SPATA19: variants seen among roughly 807,000 people sequenced by gnomAD.
The protein encoded by SPATA19 is spermatogenesis-associated protein 19, mitochondrial.
A neutral mutation model predicts 25.0 loss-of-function variants in SPATA19; 19 were observed. The ratio of observed to expected loss-of-function variants is 0.76; its 90% CI spans 0.53 to 1.11. The LOEUF is 1.11. SPATA19 is among the 50% of genes most tolerant of loss of function. The probability of loss-of-function intolerance (pLI) is 0.00; values close to 1 mark genes in which losing one functional copy is unlikely to be tolerated. For synonymous variants in SPATA19, 64 were observed against 69.3 expected, an observed-to-expected ratio of 0.92 and a Z score of 0.38; for missense variants, 222 against 211.4, an observed-to-expected ratio of 1.05 and a Z score of -0.31.
chr11:133,842,339 C>A, intron 5 of SPATA19, 146 bp downstream of exon 5: 1 of 764,526 alleles, frequency 1.3e-6, no homozygotes, highest in Non-Finnish European at 2.3e-6. Context: ...GAAGACAAGA[C>A]GCAGCCCTGG....
At chr11:133,844,673 A>G (rs767622138) in intron 2 of SPATA19, 33 bp from the exon 3 acceptor site, 4 of 1,563,020 alleles carry the variant, frequency 2.6e-6, no homozygotes, top group Non-Finnish European at 3.5e-6. Context: ...TGAAAATGTC[A>G]CTCTGCATCC....
rs1181209087 is a variant in SPATA19, at chr11:133,844,192, G to A, written c.359+54C>T. The A allele has an allele frequency of 4.9e-6, 7 of 1,429,162 alleles. No homozygotes were observed. The East Asian group carries it at 1.1e-4, about 23-fold the overall frequency. The allele number at this position is 1,429,162 out of a possible 1,614,324, so 88.5% of individuals were successfully genotyped here. On this transcript the variant is annotated intron_variant, in intron 4 of 6. Coordinates refer to ENST00000299140, the MANE Select transcript of SPATA19 (RefSeq NM_174927.3). ...CATCTGAGGGTTCGTGAAGAGAGGG[G>A]CTTGCGCATCTCTCCCTCCCCTTCC...
chr11:133,838,518 C>T (rs994049579), downstream of SPATA19, among the ~76,000 whole-genome samples: 1 of 152,118 alleles, frequency 6.6e-6, no homozygotes, highest in Non-Finnish European at 1.5e-5. Flanking sequence ...ACACCTTATA[C>T]AAAAATCAAT....
intron 2 of SPATA19, 57 bp from the exon 3 acceptor site, chr11:133,844,697 C>G: frequency 6.5e-7 from 1 of 1,530,072 alleles, no homozygotes; most frequent in Middle Eastern, 1.8e-4. Context: ...CCTGGGTCTT[C>G]TTCTCCTCTT....
chr11:133,844,995 T>TA, intron 2 of SPATA19, 139 bp downstream of exon 2: 1 of 763,576 alleles, frequency 1.3e-6, no homozygotes, highest in Admixed American at 2.7e-5. Flanking sequence ...GTGAAGAAAT[T>TA]AGACTCAAAT....
chr11:133,837,516 C>G (rs952898497), downstream of SPATA19, among the ~76,000 whole-genome samples: 3 of 152,144 alleles, frequency 2.0e-5, no homozygotes, highest in East Asian at 5.8e-4. Flanking sequence ...GGGAAAGTAG[C>G]CATTTTTAAA....
chr11:133,841,266 C>T (rs184397154), intron 6 of SPATA19, among the ~76,000 whole-genome samples: 40 of 152,294 alleles, frequency 2.6e-4, no homozygotes, highest in East Asian at 7.7e-4. Context: ...GGCACAACAA[C>T]GCCCTCTCTT....
intron 4 of SPATA19, among the ~76,000 whole-genome samples, chr11:133,843,519 T>C (rs1047235149): frequency 2.0e-5 from 3 of 152,128 alleles, no homozygotes; most frequent in African/African-American, 7.2e-5. Flanking sequence ...AAATGGAGCC[T>C]CCTTGATACA....
downstream of SPATA19, among the ~76,000 whole-genome samples, chr11:133,838,924 G>A (rs1938253891): frequency 6.6e-6 from 1 of 152,168 alleles, no homozygotes; most frequent in Non-Finnish European, 1.5e-5. Context: ...AAAAACACAT[G>A]AAAAAATGCT....
Position 133,845,455 on chromosome 11 carries a change from G to A in SPATA19, c.-9C>T, listed in dbSNP as rs368724212. On this transcript the variant is annotated 5_prime_UTR_variant, in exon 1 of 7. Coordinates refer to ENST00000299140, the MANE Select transcript of SPATA19 (RefSeq NM_174927.3). ...CATGTCGTAATTATCATCTTTGAAT[G>A]TATACCAGGCCCCCTTCTTGGCTCC... is the stretch of plus-strand genomic sequence containing the variant. 2.9e-5 allele frequency: 46 copies of A among 1,613,764 alleles called. No individual in the cohort carries two copies. The African/African-American group carries it at 5.5e-4, about 19-fold the overall frequency.
chr11:133,839,272 C>G (rs867844028), downstream of SPATA19, among the ~76,000 whole-genome samples: 229 of 152,224 alleles, frequency 1.5e-3, 1 homozygote, highest in African/African-American at 4.7e-3. Context: ...CAAAGACTTG[C>G]AACCAACCCA....
downstream of SPATA19, among the ~76,000 whole-genome samples, chr11:133,837,297 C>G (rs924502222): frequency 6.6e-6 from 1 of 152,152 alleles, no homozygotes; most frequent in Admixed American, 6.5e-5. Flanking sequence ...ACTTACTGGA[C>G]AGAAGACCAG....
At chr11:133,836,554 C>G (rs894380721), downstream of SPATA19, among the ~76,000 whole-genome samples, 3 of 152,222 alleles carry the variant, frequency 2.0e-5, no homozygotes, top group Non-Finnish European at 4.4e-5. Context: ...TCTGGCTATG[C>G]CATTTCATGG....
chr11:133,843,570 G>A (rs548495247), intron 4 of SPATA19, among the ~76,000 whole-genome samples: 1 of 152,346 alleles, frequency 6.6e-6, no homozygotes, highest in East Asian at 1.9e-4. Context: ...AGGAGGAAGA[G>A]AGGAGGAAGG....
downstream of SPATA19, among the ~76,000 whole-genome samples, chr11:133,838,594 C>A (rs1938247783): frequency 1.3e-5 from 2 of 152,288 alleles, no homozygotes; most frequent in Admixed American, 6.5e-5. Flanking sequence ...AAAACCTAGG[C>A]AATACCATTC....
chr11:133,837,112 C>T (rs1469019540), downstream of SPATA19, among the ~76,000 whole-genome samples: 4 of 152,292 alleles, frequency 2.6e-5, no homozygotes, highest in South Asian at 2.1e-4. Flanking sequence ...ATAAGACTTC[C>T]GGGTTCTAGT....
rs756056484 is a variant in SPATA19, at chr11:133,845,439, A to C, written c.8T>G (p.Ile3Ser). The change falls in exon 1 of 7, where the codon ATT becomes AGT. Residue 3 changes from isoleucine (I) to serine (S), a missense_variant. Coordinates refer to ENST00000299140, the MANE Select transcript of SPATA19 (RefSeq NM_174927.3). Reference sequence around the variant, plus strand: ...AAGAATATACACAATCCATGTCGTAATTATCATCTTTGAATGTATACCAGG... The same window carrying C: ...AAGAATATACACAATCCATGTCGTACTTATCATCTTTGAATGTATACCAGG... MI[I>S]TTWIVYILAR... 2 of 1,614,038 alleles carry C rather than the reference A, an allele frequency of 1.2e-6. No homozygotes were observed. The highest frequency in any genetic ancestry group is 3.3e-5 in the Admixed American group (2 of 60,014).
intron 5 of SPATA19, 107 bp from the exon 6 acceptor site, chr11:133,842,212 G>T: frequency 8.6e-7 from 1 of 1,168,360 alleles, no homozygotes; most frequent in Non-Finnish European, 1.3e-6. Flanking sequence ...CCGTGCCTAG[G>T]CCGTGGCCAC....
chr11:133,844,419 A>G, intron 3 of SPATA19, 82 bp from the exon 4 acceptor site: 1 of 1,611,370 alleles, frequency 6.2e-7, no homozygotes. Context: ...CGAGCACCTC[A>G]CCCTTGCCCA....
Sources: gnomAD v4.1 joint callset for allele counts (sites outside exome capture counted in the v4.1 genomes callset) on GRCh38, gnomAD v4.1.1 for gene constraint, MANE v1.5 for transcripts, NCBI Gene and HGNC (gene_info 2026-07-23, HGNC 2026-07-21) for gene names.